Variants in MINK1 observed in about 807,000 individuals in gnomAD.
MINK1 encodes misshapen like kinase 1.
MINK1 carries 46 observed loss-of-function variants against 178.4 expected under a neutral mutation model. That is an observed-to-expected ratio of 0.26 (90% CI 0.20 to 0.33). The LOEUF (loss-of-function observed/expected upper bound fraction) is 0.33. Among genes scored for constraint, MINK1 ranks in the 10% least tolerant of loss-of-function variants. The pLI, the probability that MINK1 is intolerant of heterozygous loss-of-function variation, is 1.00. For synonymous variants in MINK1, 797 were observed against 709.7 expected (o/e 1.12, Z -1.96); for missense variants, 1,366 against 1,814.9 (o/e 0.75, Z 4.49).
intron 1 of MINK1, among the ~76,000 whole-genome samples, chr17:4,845,577 T>C (rs1165923959): frequency 2.0e-5 from 3 of 152,134 alleles, no homozygotes; most frequent in East Asian, 1.9e-4. Flanking sequence ...GGTCAGGCTC[T>C]GTATTCCTCT....
Position 4,890,553 on chromosome 17 carries a change from T to G in MINK1, c.1384T>G (p.Ser462Ala), listed in dbSNP as rs901987298. The stretch of plus-strand genomic sequence containing the variant: ...GAAGCAGCTGGAGGAGCAGCGGCAG[T>G]CAGAACGTCTCCAGAGGCAGCTGCA... ...KRKQLEEQRQ[S>A]ERLQRQLQQE... The change falls in exon 14 of 32, where the codon TCA (serine) becomes GCA (alanine). Residue 462 changes from serine to alanine, a missense_variant. This residue lies in a region of MINK1 where 87 missense variants were observed against 78.9 expected (regional missense o/e 1.10). Coordinates refer to ENST00000355280, the MANE Select transcript of MINK1 (RefSeq NM_153827.5). The G allele has an allele frequency of 6.3e-7, 1 of 1,588,724 alleles. No individual in the cohort carries two copies. Among genetic ancestry groups the G allele is most frequent in the African/African-American group, 1.3e-5 (1 of 74,364 alleles).
In MINK1 at chr17:4,887,638, C is replaced by A; in HGVS notation, c.1078C>A (p.Gln360Lys). Residue 360 changes from glutamine (Q) to lysine (K), a missense_variant, in exon 12 of 32, where the codon CAG (glutamine) becomes AAG (lysine). Around this residue, in one of 14 missense-constraint regions of MINK1, gnomAD observed 56 missense variants for 64.0 expected, o/e 0.87. Transcript: ENST00000355280. This position sits in a 1 kb window ranked among gnomAD's most constrained non-coding sequence, Gnocchi z 7.6. The part of the protein sequence containing the change: ...TLRREFLRLQ[Q>K]ENKSNSEALK... ...ACGCCGGGAGTTTCTCCGGCTCCAG[C>A]AGGAAAATAAGAGCAACTCAGAGGC... 6.4e-7 allele frequency: 1 copy of A among 1,568,128 alleles called. No individual in the cohort carries two copies.
Position 4,887,934 on chromosome 17 carries a change from G to C in MINK1, c.1230+144G>C. On this transcript the variant is annotated intron_variant, in intron 12 of 31. Transcript: ENST00000355280. The surrounding 1 kb of genome is among the most constrained non-coding windows in gnomAD (Gnocchi z 7.6). Reference sequence around the variant, plus strand: ...ACAATTATATGATTTCAAATTTCATGATGAGCTGGACTTAACACAAAATGT... The same window carrying C: ...ACAATTATATGATTTCAAATTTCATCATGAGCTGGACTTAACACAAAATGT... 1.4e-6 allele frequency: 1 copy of C among 725,100 alleles called. No homozygotes were observed. The highest frequency in any genetic ancestry group is 1.8e-5 in the African/African-American group (1 of 55,008). 44.9% of individuals were successfully genotyped at this position (725,100 alleles called of 1,614,324 possible). A position where few individuals can be genotyped will look rare whatever the true frequency, so the allele number is the denominator to read the frequency against.
At position 4,895,641 on chromosome 17, in the gene MINK1, G is replaced by T; in HGVS notation, c.3230-57G>T. The stretch of plus-strand genomic sequence containing the variant: ...TGCTGACAGAGGAGGCCAGGGCGGT[G>T]GCATTCGGGCCTCAGATGAGAATGG... On this transcript the variant is annotated intron_variant, in intron 26 of 31. Coordinates refer to ENST00000355280, the MANE Select transcript of MINK1 (RefSeq NM_153827.5). This position sits in a 1 kb window ranked among gnomAD's most constrained non-coding sequence, Gnocchi z 4.3. The T allele has an allele frequency of 6.3e-7, 1 of 1,594,654 alleles. No individual in the cohort carries two copies.
chr17:4,842,692 G>C (rs72835016), intron 1 of MINK1, among the ~76,000 whole-genome samples: 11,303 of 152,302 alleles, frequency 0.074, 460 homozygotes, highest in Non-Finnish European at 0.094. Flanking sequence ...ACTCAGGAAA[G>C]AGTCTTCAAG....
At chr17:4,854,935 G>A (rs561516020) in intron 1 of MINK1, among the ~76,000 whole-genome samples, 3 of 152,078 alleles carry the variant, frequency 2.0e-5, no homozygotes, top group Non-Finnish European at 4.4e-5. Context: ...GGCTGGGCGC[G>A]GTGGCTCCCG....
chr17:4,845,213 G>A (rs1298493880), intron 1 of MINK1, among the ~76,000 whole-genome samples: 1 of 152,128 alleles, frequency 6.6e-6, no homozygotes, highest in East Asian at 1.9e-4. Flanking sequence ...AAGATGACAG[G>A]CTTCTGAAAG....
intron 21 of MINK1, 90 bp downstream of exon 21, chr17:4,893,687 T>A (rs980685275): frequency 6.9e-7 from 1 of 1,443,368 alleles, no homozygotes; most frequent in African/African-American, 1.4e-5. Flanking sequence ...TTGGGGCAAG[T>A]CTGAGGGAGA....
chr17:4,847,642 A>T (rs1367470663), intron 1 of MINK1, among the ~76,000 whole-genome samples: 1 of 152,218 alleles, frequency 6.6e-6, no homozygotes, highest in Non-Finnish European at 1.5e-5. Context: ...AATATATTAA[A>T]TGTGTAATTT....
intron 1 of MINK1, among the ~76,000 whole-genome samples, chr17:4,842,964 G>A (rs967189001): frequency 6.6e-6 from 1 of 152,172 alleles, no homozygotes; most frequent in Admixed American, 6.5e-5. Context: ...ACAGCTGAGC[G>A]GGATGAGCTG....
At chr17:4,838,939 C>T (rs1297479412) in intron 1 of MINK1, among the ~76,000 whole-genome samples, 1 of 151,714 alleles carries the variant, frequency 6.6e-6, no homozygotes, top group Non-Finnish European at 1.5e-5. Context: ...CCTTTCCAAG[C>T]CTAGACTCTT....
At chr17:4,849,755 T>G (rs188349015) in intron 1 of MINK1, among the ~76,000 whole-genome samples, 1 of 152,214 alleles carries the variant, frequency 6.6e-6, no homozygotes, top group Admixed American at 6.5e-5. Flanking sequence ...GTATGTTTAG[T>G]AGAGGTGGGG....
chr17:4,896,996 A>C lies in MINK1; in HGVS notation c.3915+183A>C, dbSNP rs1438240083. The C allele has an allele frequency of 6.2e-5, 61 of 987,562 alleles. No homozygotes were observed. The allele number at this position is 987,562 out of a possible 1,614,324, so 61.2% of individuals were successfully genotyped here. ...TCCCTTCAGATTCCGAGGACTTCCCAGCTGGCCCCCAGGGGGCGAGTGGTG... is the reference window on the plus strand; with the variant it reads ...TCCCTTCAGATTCCGAGGACTTCCCCGCTGGCCCCCAGGGGGCGAGTGGTG... On this transcript the variant is annotated intron_variant, in intron 31 of 31. Transcript: ENST00000355280. This position sits in a 1 kb window ranked among gnomAD's most constrained non-coding sequence, Gnocchi z 4.6.
At position 4,885,960 on chromosome 17, in the gene MINK1, C is replaced by T. The variant is rs771140904; in HGVS notation, c.689C>T (p.Ala230Val). 3 of 1,613,582 alleles carry T rather than the reference C, an allele frequency of 1.9e-6. No individual in the cohort carries two copies. Among genetic ancestry groups the T allele is most frequent in the Non-Finnish European group, 2.5e-6 (3 of 1,179,720 alleles). ...GITAIEMAEG[A>V]PPLCDMHPMR... ...ACAGCCATCGAGATGGCAGAGGGAG[C>T]CCCCCGTAAGTTCTGAGTCTGCCGG... is the stretch of plus-strand genomic sequence containing the variant. Residue 230 changes from alanine to valine, a missense_variant, in exon 8 of 32, where the codon GCC becomes GTC. Ala to Val is a moderately conservative substitution (Grantham distance 64, BLOSUM62 0). Coordinates refer to ENST00000355280, the MANE Select transcript of MINK1 (RefSeq NM_153827.5). This position sits in a 1 kb window ranked among gnomAD's most constrained non-coding sequence, Gnocchi z 5.0.
Position 4,893,601 on chromosome 17 carries a change from C to T in MINK1, c.2564+4C>T, listed in dbSNP as rs142236284. 1.1e-3 allele frequency: 1,733 copies of T among 1,525,354 alleles called. 34 individuals carry two copies. In the Admixed American group the frequency reaches 0.029, roughly 26 times the overall value. 94.5% of individuals were successfully genotyped at this position (1,525,354 alleles called of 1,614,324 possible). A position where few individuals can be genotyped will look rare whatever the true frequency, so the allele number is the denominator to read the frequency against. On this transcript the variant is annotated splice_donor_region_variant and intron_variant, in intron 21 of 31. Coordinates refer to ENST00000355280, the MANE Select transcript of MINK1 (RefSeq NM_153827.5). The stretch of plus-strand genomic sequence containing the variant: ...GCAGAGATACCCCTGGGGGCCGGTA[C>T]GGCATCGGGAGTGGGGCCCTCCCAC...
At chr17:4,863,645 T>C (rs1279794472) in intron 1 of MINK1, among the ~76,000 whole-genome samples, 2 of 152,148 alleles carry the variant, frequency 1.3e-5, no homozygotes, top group Non-Finnish European at 2.9e-5. Flanking sequence ...AAGTGTTTAA[T>C]TGTTGTAAAC....
At chr17:4,859,225 C>T (rs1395489788) in intron 1 of MINK1, 1 of 985,266 alleles carries the variant, frequency 1.0e-6, no homozygotes, top group Non-Finnish European at 1.2e-6. Flanking sequence ...TTTATGGTTC[C>T]AGTTCTTCTA....
Position 4,833,712 on chromosome 17 carries a change from C to T in MINK1, c.57+72C>T, listed in dbSNP as rs1395685129. ...CAGGGGAGGGAGCGGGGTGGCTGCA[C>T]GCCTCACGTGCTCCCGGGCGCCCCC... On this transcript the variant is annotated intron_variant, in intron 1 of 31. Coordinates refer to ENST00000355280, the MANE Select transcript of MINK1 (RefSeq NM_153827.5). The surrounding 1 kb of genome is among the most constrained non-coding windows in gnomAD (Gnocchi z 4.8). 1.4e-5 allele frequency: 18 copies of T among 1,290,668 alleles called. No individual in the cohort carries two copies. Among genetic ancestry groups the T allele is most frequent in the Non-Finnish European group, 1.8e-5 (18 of 975,892 alleles). 80.0% of individuals were successfully genotyped at this position (1,290,668 alleles called of 1,614,324 possible). A position where few individuals can be genotyped will look rare whatever the true frequency, so the allele number is the denominator to read the frequency against.
intron 21 of MINK1, 132 bp downstream of exon 21, chr17:4,893,729 G>A (rs1218500598): frequency 1.5e-6 from 2 of 1,310,226 alleles, no homozygotes; most frequent in Non-Finnish European, 2.0e-6. Context: ...TGGGGTGAGG[G>A]TGCAGGTTCC....
Sources: gnomAD v4.1 joint callset for allele counts (sites outside exome capture counted in the v4.1 genomes callset) on GRCh38, gnomAD v4.1.1 for gene constraint, gnomAD v4.1.1 regional missense constraint, Gnocchi (gnomAD v3.1) non-coding constraint, MANE v1.5 for transcripts, NCBI Gene and HGNC (gene_info 2026-07-23, HGNC 2026-07-21) for gene names.